Variants in SMCHD1 observed in about 807,000 individuals in gnomAD.
SMCHD1 encodes the protein structural maintenance of chromosomes flexible hinge domain-containing protein 1.
SMCHD1 carries 78 observed loss-of-function variants against 254.7 expected under a neutral mutation model. The ratio of observed to expected loss-of-function variants is 0.31; its 90% CI spans 0.26 to 0.37. The LOEUF (loss-of-function observed/expected upper bound fraction) is 0.37, where lower values mean the gene tolerates loss of function less well. Ranked by LOEUF, SMCHD1 falls within the 10% of genes least tolerant of loss-of-function variation. The probability of loss-of-function intolerance (pLI) is 1.00; values close to 1 mark genes in which losing one functional copy is unlikely to be tolerated. For synonymous variants in SMCHD1, 766 were observed against 794.9 expected (o/e 0.96, Z 0.61); for missense variants, 1,840 against 2,408.1 (o/e 0.76, Z 4.94).
chr18:2,710,228 G>C (rs191039593), intron 17 of SMCHD1, among the ~76,000 whole-genome samples: 2 of 152,252 alleles, frequency 1.3e-5, no homozygotes, highest in East Asian at 3.9e-4. Flanking sequence ...TTATTTCTGG[G>C]CTCCCTGTTC....
chr18:2,715,275 C>T lies in SMCHD1; in HGVS notation c.2261-2883C>T, dbSNP rs922052132. Among the ~76,000 whole-genome samples the T allele has an allele frequency of 7.9e-5, 12 of 152,186 alleles. No individual in the cohort carries two copies. The South Asian group carries it at 1.7e-3, about 21-fold the overall frequency. Reference sequence around the variant, plus strand: ...GGCTGTTTTACATTGACCCATACTTCGAGAAGGCTTTGATCATTTTTTACA... The same window carrying T: ...GGCTGTTTTACATTGACCCATACTTTGAGAAGGCTTTGATCATTTTTTACA... On this transcript the variant is annotated intron_variant, in intron 17 of 47. Transcript: ENST00000320876.
At chr18:2,744,018 G>T (rs541349197) in intron 29 of SMCHD1, 90 bp downstream of exon 29, 20 of 1,146,226 alleles carry the variant, frequency 1.7e-5, no homozygotes, top group Non-Finnish European at 2.4e-5. Flanking sequence ...GATATATTTT[G>T]TTGCTGAAGT....
At chr18:2,785,828 C>T (rs749130383) in intron 45 of SMCHD1, among the ~76,000 whole-genome samples, 55 of 152,002 alleles carry the variant, frequency 3.6e-4, no homozygotes, top group Non-Finnish European at 7.4e-4. Context: ...CTTCTAGATA[C>T]TTCATATAAG....
rs1008974772 is a variant in SMCHD1 at position 2,672,901 on chromosome 18, A to G, written c.425-380A>G. ...ATTATCACTTCATATTTGCCCTCGTATTTCTAGATGTGCTTACTTTGGACT... is the reference window on the plus strand; with the variant it reads ...ATTATCACTTCATATTTGCCCTCGTGTTTCTAGATGTGCTTACTTTGGACT... On this transcript the variant is annotated intron_variant, in intron 3 of 47. Transcript: ENST00000320876. Among the ~76,000 whole-genome samples the G allele has an allele frequency of 4.6e-5, 7 of 152,300 alleles. No individual in the cohort carries two copies. In the East Asian group the frequency reaches 1.3e-3, roughly 29 times the overall value.
At chr18:2,801,470 AG>A (rs2076361270) in intron 47 of SMCHD1, among the ~76,000 whole-genome samples, 1 of 152,128 alleles carries the variant, frequency 6.6e-6, no homozygotes, top group East Asian at 1.9e-4. Flanking sequence ...AATCACTATG[AG>A]GGATTTTCTC....
rs398031850 is a variant in SMCHD1 at position 2,803,218 on chromosome 18, A to AT, written c.*666_*667insT. On this transcript the variant is annotated 3_prime_UTR_variant, in exon 48 of 48. Coordinates refer to ENST00000320876, the MANE Select transcript of SMCHD1 (RefSeq NM_015295.3). ...TGTGTGTATATATATATATATATATAAATATATATATATAAAATATTCAGC... is the reference window on the plus strand; with the variant it reads ...TGTGTGTATATATATATATATATATATAATATATATATATAAAATATTCAGC... The AT allele has an allele frequency of 1.4e-4, 21 of 146,728 alleles. No individual in the cohort carries two copies. Among genetic ancestry groups the AT allele is most frequent in the South Asian group, 2.1e-4 (1 of 4,746 alleles). The allele number at this position is 146,728 out of a possible 1,614,324, so 9.1% of individuals were successfully genotyped here.
At chr18:2,678,126 T>C (rs1023539295) in intron 5 of SMCHD1, among the ~76,000 whole-genome samples, 6 of 152,208 alleles carry the variant, frequency 3.9e-5, no homozygotes, top group African/African-American at 1.4e-4. Context: ...GTTACTAGAG[T>C]TTTATATTTA....
rs751445777 is a variant in SMCHD1 at position 2,772,375 on chromosome 18, T to C, written c.5175+3T>C. On this transcript the variant is annotated splice_donor_region_variant and intron_variant, in intron 41 of 47. Coordinates refer to ENST00000320876, the MANE Select transcript of SMCHD1 (RefSeq NM_015295.3). ...GCAGTGGAGATGTTTTGGGAAAGGT[T>C]TGTGTTTATTAAGCCTTTTGAAAGG... The C allele has an allele frequency of 3.2e-6, 5 of 1,554,506 alleles. No individual in the cohort carries two copies. The highest frequency in any genetic ancestry group is 4.3e-6 in the Non-Finnish European group (5 of 1,156,730).
intron 45 of SMCHD1, among the ~76,000 whole-genome samples, chr18:2,789,218 T>C (rs1476122470): frequency 6.6e-6 from 1 of 151,730 alleles, no homozygotes; most frequent in East Asian, 1.9e-4. Context: ...TTTTTTTTTT[T>C]TTTGGTAGAC....
intron 19 of SMCHD1, among the ~76,000 whole-genome samples, chr18:2,719,566 G>A (rs1360373187): frequency 6.6e-6 from 1 of 152,006 alleles, no homozygotes; most frequent in African/African-American, 2.4e-5. Flanking sequence ...CAAAGTGTTG[G>A]GGTTACAGGT....
rs187281848 is a variant in SMCHD1 at position 2,779,912 on chromosome 18, G to A, written c.5547+1673G>A. 2.4e-4 allele frequency among the ~76,000 whole-genome samples: 36 copies of A among 152,204 alleles called. 1 individual carries two copies. The East Asian group carries it at 6.6e-3, about 28-fold the overall frequency. ...TTATGGCAGAGCTAGAACTAAACTGGTATGAGTAATTTTTCTTTGGGCCTC... is the reference window on the plus strand; with the variant it reads ...TTATGGCAGAGCTAGAACTAAACTGATATGAGTAATTTTTCTTTGGGCCTC... On this transcript the variant is annotated intron_variant, in intron 44 of 47. Coordinates refer to ENST00000320876, the MANE Select transcript of SMCHD1 (RefSeq NM_015295.3).
At chr18:2,742,251 T>C (rs2075365892) in intron 28 of SMCHD1, among the ~76,000 whole-genome samples, 1 of 152,228 alleles carries the variant, frequency 6.6e-6, no homozygotes, top group African/African-American at 2.4e-5. Context: ...GGACTTTTTT[T>C]CTACTTCTGT....
intron 25 of SMCHD1, among the ~76,000 whole-genome samples, chr18:2,735,187 G>A (rs550477809): frequency 9.9e-5 from 15 of 152,126 alleles, no homozygotes; most frequent in South Asian, 2.1e-4. Flanking sequence ...AATTAAAACC[G>A]TATGATTTAA....
chr18:2,662,168 AAAAAAAAAAAT>A (rs1275542992), intron 1 of SMCHD1, among the ~76,000 whole-genome samples: 13 of 90,728 alleles, frequency 1.4e-4, no homozygotes, highest in African/African-American at 1.0e-3. Context: ...TCCGTCTCAA[AAAAAAAAAAAT>A]AAAATAAATA....
intron 1 of SMCHD1, among the ~76,000 whole-genome samples, chr18:2,664,315 G>C (rs562572624): frequency 5.9e-5 from 9 of 151,424 alleles, no homozygotes; most frequent in Non-Finnish European, 8.8e-5. Context: ...TTTTATAGTT[G>C]GTTTGTTTAA....
At chr18:2,771,658 G>C (rs759245182) in intron 40 of SMCHD1, 40 bp downstream of exon 40, 4 of 1,404,804 alleles carry the variant, frequency 2.8e-6, no homozygotes. Context: ...TTTTATTAAA[G>C]TCTATTCTAC....
In SMCHD1 at chr18:2,673,348, A is replaced by T; in HGVS notation, c.492A>T (p.Arg164Ser). ...SATSRNIGVR[R>S]IQIKLLFDET... ...CTTCTCGTAACATTGGGGTTAGAAG[A>T]ATACAGATCAAATTGGTAAGGAAAT... Residue 164 changes from arginine to serine, a missense_variant, in exon 4 of 48, where the codon AGA (arginine) becomes AGT (serine). This residue lies in a region of SMCHD1 where 498 missense variants were observed against 743.5 expected (regional missense o/e 0.67). Coordinates refer to ENST00000320876, the MANE Select transcript of SMCHD1 (RefSeq NM_015295.3). 6.5e-7 allele frequency: 1 copy of T among 1,541,962 alleles called. No homozygotes were observed. The highest frequency in any genetic ancestry group is 8.8e-7 in the Non-Finnish European group (1 of 1,133,300).
intron 25 of SMCHD1, among the ~76,000 whole-genome samples, chr18:2,735,294 A>C (rs2075227885): frequency 6.6e-6 from 1 of 152,176 alleles, no homozygotes; most frequent in Admixed American, 6.5e-5. Flanking sequence ...ACCTCAAGAT[A>C]ATGAGAACCA....
At chr18:2,747,774 T>C in intron 30 of SMCHD1, 127 bp downstream of exon 30, 2 of 868,772 alleles carry the variant, frequency 2.3e-6, no homozygotes, top group South Asian at 4.8e-5. Context: ...TATTGCTTAG[T>C]GTAAATAAAC....
Sources: allele counts gnomAD v4.1 joint callset (sites outside exome capture counted in the v4.1 genomes callset), GRCh38; gene constraint gnomAD v4.1.1; regional missense constraint gnomAD v4.1.1; transcripts MANE v1.5; gene names NCBI Gene and HGNC (gene_info 2026-07-23, HGNC 2026-07-21).